SF3B3: variants seen among roughly 807,000 people sequenced by gnomAD.
The protein encoded by SF3B3 is splicing factor 3b subunit 3, also known as SAP 130.
A neutral mutation model predicts 139.2 loss-of-function variants in SF3B3; 33 were observed. That is an observed-to-expected ratio of 0.24 (90% CI 0.18 to 0.32). SF3B3 has a LOEUF of 0.32. Ranked by LOEUF, SF3B3 falls within the 10% of genes least tolerant of loss-of-function variation. SF3B3 has a pLI of 1.00. For missense variants in SF3B3, 818 were observed against 1,509.4 expected, an observed-to-expected ratio of 0.54 and a Z score of 7.59; for synonymous variants, 596 against 563.6, an observed-to-expected ratio of 1.06 and a Z score of -0.81.
intron 7 of SF3B3, 57 bp downstream of exon 7, chr16:70,538,517 C>G: frequency 1.4e-6 from 2 of 1,417,650 alleles, no homozygotes; most frequent in Non-Finnish European, 9.7e-7. Context: ...ATAGGCAAGA[C>G]AGGTAATACT....
At chr16:70,546,424 G>T (rs1420944169) in intron 10 of SF3B3, among the ~76,000 whole-genome samples, 2 of 152,210 alleles carry the variant, frequency 1.3e-5, no homozygotes, top group African/African-American at 4.8e-5. Flanking sequence ...GGCTGAAGCA[G>T]CTGGATCACC....
rs1251837746 is a variant in SF3B3, at chr16:70,528,495, G to A, written c.71-378G>A. ...TTTTTTTTTTTTTTTTTTTAGAGAC[G>A]ATATCTTGCTGCGTTTCCCAGGATG... On this transcript the variant is annotated intron_variant, in intron 2 of 25. Transcript: ENST00000302516. 2.3e-5 allele frequency among the ~76,000 whole-genome samples: 3 copies of A among 130,378 alleles called. No individual in the cohort carries two copies. In the East Asian group the frequency reaches 7.0e-4, roughly 31 times the overall value. 85.5% of individuals were successfully genotyped at this position (130,378 alleles called of 152,430 possible).
chr16:70,563,784 T>C (rs2050450872), intron 17 of SF3B3, 92 bp from the exon 18 acceptor site: 4 of 1,193,344 alleles, frequency 3.4e-6, no homozygotes, highest in Admixed American at 1.9e-5. Context: ...GCTCCAGGGA[T>C]TGACGTGTTT....
At chr16:70,551,650 T>G (rs1162086384) in intron 11 of SF3B3, among the ~76,000 whole-genome samples, 4 of 152,094 alleles carry the variant, frequency 2.6e-5, no homozygotes, top group Non-Finnish European at 2.9e-5. Flanking sequence ...TGCAGTGAGC[T>G]GAGATTGCGC....
intron 4 of SF3B3, 122 bp from the exon 5 acceptor site, chr16:70,532,357 C>CCAAAAAAAAAA: frequency 1.9e-6 from 1 of 513,552 alleles, no homozygotes; most frequent in South Asian, 2.6e-5. Flanking sequence ...CCTGTCTCTC[C>CCAAAAAAAAAA]AAAAAAAAAA....
At chr16:70,539,334 G>A (rs1280849305) in intron 8 of SF3B3, 127 bp downstream of exon 8, 3 of 697,846 alleles carry the variant, frequency 4.3e-6, no homozygotes, top group Non-Finnish European at 7.8e-6. Flanking sequence ...AATCACCTGA[G>A]GTAAGGAGTT....
intron 4 of SF3B3, among the ~76,000 whole-genome samples, chr16:70,531,149 G>A (rs1341135168): frequency 1.3e-5 from 2 of 151,908 alleles, no homozygotes; most frequent in African/African-American, 4.8e-5. Context: ...GGCGCCTGTG[G>A]TCCAGCTACT....
intron 4 of SF3B3, 74 bp from the exon 5 acceptor site, chr16:70,532,405 T>TTG: frequency 3.1e-6 from 4 of 1,284,766 alleles, no homozygotes; most frequent in Non-Finnish European, 4.4e-6. Flanking sequence ...CATTTGTAAA[T>TTG]TGGAGTCCTG....
rs748472052 is a variant in SF3B3, at chr16:70,571,820, C to T, written c.*7C>T. ...GACCCGCTACGCCTTCTGAGCCCTC[C>T]TTTCCCGGTGGGGCTTGCCAGAGAC... On this transcript the variant is annotated 3_prime_UTR_variant, in exon 26 of 26. Coordinates refer to ENST00000302516, the MANE Select transcript of SF3B3 (RefSeq NM_012426.5). 1.2e-6 allele frequency: 2 copies of T among 1,608,554 alleles called. No individual in the cohort carries two copies. The highest frequency in any genetic ancestry group is 1.7e-5 in the Admixed American group (1 of 58,000).
chr16:70,567,808 C>G (rs2050491301), intron 21 of SF3B3, among the ~76,000 whole-genome samples: 1 of 152,166 alleles, frequency 6.6e-6, no homozygotes, highest in South Asian at 2.1e-4. Flanking sequence ...GCCTCAGCCT[C>G]CCAAGTAGCT....
intron 25 of SF3B3, among the ~76,000 whole-genome samples, chr16:70,571,436 G>A (rs2050528336): frequency 6.6e-6 from 1 of 152,184 alleles, no homozygotes; most frequent in Non-Finnish European, 1.5e-5. Context: ...AGTTTTCCCG[G>A]TCTGGGCGTG....
At position 70,529,023 on chromosome 16, in the gene SF3B3, C is replaced by G; in HGVS notation, c.221C>G (p.Thr74Ser). 2 of 1,614,132 alleles carry G rather than the reference C, an allele frequency of 1.2e-6. No individual in the cohort carries two copies. The highest frequency in any genetic ancestry group is 1.7e-6 in the Non-Finnish European group (2 of 1,180,030). Residue 74 changes from threonine (T) to serine (S), a missense_variant, in exon 3 of 26, where the codon ACC becomes AGC. By Grantham distance (58) the Thr-to-Ser change is moderately conservative (BLOSUM62 1). This residue lies in a region of SF3B3 where 144 missense variants were observed against 259.2 expected (regional missense o/e 0.56). Transcript: ENST00000302516. ...SLMAFRLTGGTKDYIVVGSDS... is the reference protein window; with the variant it reads ...SLMAFRLTGGSKDYIVVGSDS... Reference sequence around the variant, plus strand: ...ATGGCCTTTAGGCTGACAGGTGGCACCAAAGACTACATTGTAGTTGGCAGT... The same window carrying G: ...ATGGCCTTTAGGCTGACAGGTGGCAGCAAAGACTACATTGTAGTTGGCAGT...
At chr16:70,539,380 T>G (rs1005903834) in intron 8 of SF3B3, among the ~76,000 whole-genome samples, 173 bp downstream of exon 8, 4 of 151,290 alleles carry the variant, frequency 2.6e-5, no homozygotes, top group African/African-American at 9.8e-5. Context: ...AAACCCCATC[T>G]CTACCTAAAA....
At chr16:70,530,333 A>G (rs1342171983) in intron 3 of SF3B3, among the ~76,000 whole-genome samples, 1 of 114,328 alleles carries the variant, frequency 8.7e-6, no homozygotes, top group Admixed American at 7.8e-5. Context: ...TTTTTTTTTC[A>G]AATGAGGCAG....
intron 20 of SF3B3, among the ~76,000 whole-genome samples, chr16:70,566,925 C>G (rs1353469448): frequency 1.3e-5 from 2 of 152,086 alleles, no homozygotes; most frequent in East Asian, 3.9e-4. Flanking sequence ...TGGCACATGC[C>G]TGTAGTCCCA....
intron 7 of SF3B3, 142 bp from the exon 8 acceptor site, chr16:70,538,962 T>C: frequency 1.5e-6 from 1 of 661,232 alleles, no homozygotes. Context: ...ATGATTGGCA[T>C]GACTGGCCCA....
intron 11 of SF3B3, among the ~76,000 whole-genome samples, chr16:70,551,524 GAAA>G (rs977083492): frequency 1.3e-5 from 2 of 152,116 alleles, no homozygotes; most frequent in Non-Finnish European, 2.9e-5. Flanking sequence ...CCAATATGGA[GAAA>G]CCCTGTCTCT....
intron 5 of SF3B3, among the ~76,000 whole-genome samples, chr16:70,534,338 A>G (rs12925729): frequency 0.39 from 59,742 of 152,162 alleles, 12,307 homozygotes; most frequent in South Asian, 0.65. Flanking sequence ...GGGTGGGGTG[A>G]AAGCTACTGA....
intron 15 of SF3B3, among the ~76,000 whole-genome samples, chr16:70,559,219 G>T (rs899077132): frequency 6.6e-6 from 1 of 152,148 alleles, no homozygotes; most frequent in Admixed American, 6.5e-5. Flanking sequence ...GATTTAATTA[G>T]TTGGAATTCT....
Sources: allele counts gnomAD v4.1 joint callset (sites outside exome capture counted in the v4.1 genomes callset), GRCh38; gene constraint gnomAD v4.1.1; regional missense constraint gnomAD v4.1.1; transcripts MANE v1.5; gene names NCBI Gene and HGNC (gene_info 2026-07-23, HGNC 2026-07-21).